TTC31: variants seen among roughly 807,000 people sequenced by gnomAD.
TTC31 encodes the protein tetratricopeptide repeat protein 31.
A neutral mutation model predicts 60.4 loss-of-function variants in TTC31; 59 were observed. The ratio of observed to expected loss-of-function variants is 0.98; its 90% CI spans 0.79 to 1.21. The LOEUF (loss-of-function observed/expected upper bound fraction) is 1.21. TTC31 is among the 50% of genes most tolerant of loss of function. The pLI is 0.00. For missense variants in TTC31, 672 were observed against 646.9 expected (o/e 1.04, Z -0.42); for synonymous variants, 225 against 249.6 (o/e 0.90, Z 0.93).
In TTC31 at chr2:74,492,756, G is replaced by C. The variant is rs770147788; in HGVS notation, c.1263+9G>C. On this transcript the variant is annotated intron_variant, in intron 12 of 12. Coordinates refer to ENST00000233623, the MANE Select transcript of TTC31 (RefSeq NM_022492.6). ...TTCTCCACCTCACACTGGTAAGGGG[G>C]CCAGGCACACTGTCATGCTGAGGCG... The C allele has an allele frequency of 6.2e-7, 1 of 1,613,708 alleles. No individual in the cohort carries two copies. Among genetic ancestry groups the C allele is most frequent in the Admixed American group, 1.7e-5 (1 of 59,992 alleles).
chr2:74,492,721 C>T lies in TTC31; in HGVS notation c.1237C>T (p.Arg413Cys), dbSNP rs373885235. Residue 413 changes from arginine (R) to cysteine (C), a missense_variant, in exon 12 of 13, where the codon CGC becomes TGC. Physicochemically the swap from Arg to Cys is radical, Grantham distance 180 (BLOSUM62 -3). Coordinates refer to ENST00000233623, the MANE Select transcript of TTC31 (RefSeq NM_022492.6). ...CCAGCCTGACGCAGCCCGAGAGCTC[C>T]GCTCTTGCCTTCTCCACCTCACACT... is the stretch of plus-strand genomic sequence containing the variant. ...GSQPDAAREL[R>C]SCLLHLTLQG... 343 of 1,614,052 alleles carry T rather than the reference C, an allele frequency of 2.1e-4. 1 individual carries two copies. The highest frequency in any genetic ancestry group is 1.2e-3 in the Middle Eastern group (7 of 6,070).
rs377473026 is a variant in TTC31 at position 74,492,090 on chromosome 2, C to T, written c.928+35C>T. ...TTTCTCTCTCCGTCCTCACCCCACCCTCCCTGGGGTAGCCCCATCTGAACC... is the reference window on the plus strand; with the variant it reads ...TTTCTCTCTCCGTCCTCACCCCACCTTCCCTGGGGTAGCCCCATCTGAACC... On this transcript the variant is annotated intron_variant, in intron 9 of 12. Coordinates refer to ENST00000233623, the MANE Select transcript of TTC31 (RefSeq NM_022492.6). 10 of 1,612,966 alleles carry T rather than the reference C, an allele frequency of 6.2e-6. No individual in the cohort carries two copies. In the African/African-American group the frequency reaches 6.7e-5, roughly 11 times the overall value.
At chr2:74,483,725 T>G in intron 2 of TTC31, 1 of 742,010 alleles carries the variant, frequency 1.3e-6, no homozygotes, top group South Asian at 2.1e-5. Context: ...GCCTGTAATC[T>G]CAACACTTTG....
chr2:74,484,215 C>CA (rs1672816513), intron 2 of TTC31, among the ~76,000 whole-genome samples: 1 of 150,382 alleles, frequency 6.6e-6, no homozygotes, highest in African/African-American at 2.5e-5. Flanking sequence ...CCAGCCTGGG[C>CA]AACAGAGGGA....
At chr2:74,489,240 G>C (rs1396221567) in intron 2 of TTC31, among the ~76,000 whole-genome samples, 3 of 152,216 alleles carry the variant, frequency 2.0e-5, no homozygotes, top group Non-Finnish European at 4.4e-5. Flanking sequence ...AGATGAAAGG[G>C]TCTGGGAAGG....
intron 5 of TTC31, 121 bp from the exon 6 acceptor site, chr2:74,491,007 A>G: frequency 2.2e-6 from 3 of 1,383,688 alleles, no homozygotes; most frequent in Non-Finnish European, 3.0e-6. Flanking sequence ...TTCACCTGCA[A>G]AATGAGGATA....
rs1674161162 is a variant in TTC31 at position 74,493,312 on chromosome 2, A to G, written c.*94A>G. 7.8e-7 allele frequency: 1 copy of G among 1,287,900 alleles called. No homozygotes were observed. The highest frequency in any genetic ancestry group is 1.1e-6 in the Non-Finnish European group (1 of 932,674). 79.8% of individuals were successfully genotyped at this position (1,287,900 alleles called of 1,614,324 possible). On this transcript the variant is annotated 3_prime_UTR_variant, in exon 13 of 13. Coordinates refer to ENST00000233623, the MANE Select transcript of TTC31 (RefSeq NM_022492.6). Reference sequence around the variant, plus strand: ...AGTTCACTGCATATTTTGAGACCTTATTCTCTAGATCCATAGTTAATGATG... The same window carrying G: ...AGTTCACTGCATATTTTGAGACCTTGTTCTCTAGATCCATAGTTAATGATG...
At chr2:74,491,811 G>A in intron 8 of TTC31, 139 bp downstream of exon 8, 1 of 1,372,284 alleles carries the variant, frequency 7.3e-7, no homozygotes, top group Non-Finnish European at 1.0e-6. Context: ...CTACAGTCAG[G>A]CCCCATCACT....
At position 74,492,370 on chromosome 2, in the gene TTC31, C is replaced by G; in HGVS notation, c.1086C>G (p.Ala362=). 6.5e-7 allele frequency: 1 copy of G among 1,547,034 alleles called. No homozygotes were observed. The highest frequency in any genetic ancestry group is 8.7e-7 in the Non-Finnish European group (1 of 1,145,936). Residue 362 remains alanine (A), a synonymous_variant, in exon 11 of 13, where the codon GCC becomes GCG. Transcript: ENST00000233623. ...LGQPAWALAD[A]QVALTLRPGW... ...AGCCAGCGTGGGCCCTGGCTGATGCCCAGGTGGCCCTTACCCTACGGCCTG... is the reference window on the plus strand; with the variant it reads ...AGCCAGCGTGGGCCCTGGCTGATGCGCAGGTGGCCCTTACCCTACGGCCTG...
chr2:74,483,561 T>C (rs1672702723), intron 2 of TTC31, 151 bp downstream of exon 2: 2 of 1,509,442 alleles, frequency 1.3e-6, no homozygotes, highest in Middle Eastern at 1.7e-4. Context: ...TTGAGGATCT[T>C]AGGCAAGTGA....
chr2:74,488,563 G>T (rs544705885), intron 2 of TTC31, among the ~76,000 whole-genome samples: 1 of 152,318 alleles, frequency 6.6e-6, no homozygotes, highest in East Asian at 1.9e-4. Flanking sequence ...GCCTTATTTT[G>T]TGAATGAGGG....
At position 74,493,073 on chromosome 2, in the gene TTC31, A is replaced by G. The variant is rs1375721883; in HGVS notation, c.1415A>G (p.His472Arg). The stretch of plus-strand genomic sequence containing the variant: ...TCCCCTGGCCTGTCTCCACTCTTGC[A>G]TTATCCTTCATGTCACCGAAGCCAC... ...LRSPGLSPLL[H>R]YPSCHRSHPN... Residue 472 changes from histidine (H) to arginine (R), a missense_variant, in exon 13 of 13, where the codon CAT becomes CGT. By Grantham distance (29) the His-to-Arg change is conservative (BLOSUM62 0). Coordinates refer to ENST00000233623, the MANE Select transcript of TTC31 (RefSeq NM_022492.6). 3 of 1,614,014 alleles carry G rather than the reference A, an allele frequency of 1.9e-6. No homozygotes were observed. Among genetic ancestry groups the G allele is most frequent in the East Asian group, 4.5e-5 (2 of 44,882 alleles).
At chr2:74,490,174 G>A (rs1229477400) in intron 3 of TTC31, 47 bp downstream of exon 3, 1 of 1,611,108 alleles carries the variant, frequency 6.2e-7, no homozygotes, top group Non-Finnish European at 8.5e-7. Context: ...TGGTACCCTG[G>A]GAGGGCTGAC....
At position 74,492,034 on chromosome 2, in the gene TTC31, C is replaced by G; in HGVS notation, c.907C>G (p.Gln303Glu). The change falls in exon 9 of 13, where the codon CAA (glutamine) becomes GAA (glutamate). Residue 303 changes from glutamine to glutamate, a missense_variant. Transcript: ENST00000233623. ...TCCGGGACTGCTGGCAGCTGCCTTA[C>G]AACAGAGCCAGGAACTGGCAAGTGA... ...ASPGLLAAAL[Q>E]QSQELAKLGT... The G allele has an allele frequency of 6.2e-7, 1 of 1,614,244 alleles. No individual in the cohort carries two copies. Among genetic ancestry groups the G allele is most frequent in the South Asian group, 1.1e-5 (1 of 91,086 alleles).
At chr2:74,489,842 A>G (rs1673603716) in intron 2 of TTC31, among the ~76,000 whole-genome samples, 183 bp from the exon 3 acceptor site, 1 of 152,168 alleles carries the variant, frequency 6.6e-6, no homozygotes, top group African/African-American at 2.4e-5. Flanking sequence ...GTGATTCACT[A>G]CAATAGCTGG....
chr2:74,483,441 T>A (rs565132032), intron 2 of TTC31, 31 bp downstream of exon 2: 1 of 1,614,090 alleles, frequency 6.2e-7, no homozygotes, highest in South Asian at 1.1e-5. Flanking sequence ...CCCCCAGTCC[T>A]GCTCATTTTG....
At chr2:74,490,765 C>T in intron 5 of TTC31, 26 bp downstream of exon 5, 2 of 1,599,580 alleles carry the variant, frequency 1.3e-6, no homozygotes, top group Admixed American at 1.7e-5. Context: ...CTGGAGGGTG[C>T]AGGGGAGCCA....
At chr2:74,487,840 C>T (rs1395416100) in intron 2 of TTC31, among the ~76,000 whole-genome samples, 3 of 151,862 alleles carry the variant, frequency 2.0e-5, no homozygotes, top group Non-Finnish European at 4.4e-5. Flanking sequence ...CCACCATGCC[C>T]AGCTAATTTT....
At chr2:74,486,881 G>A (rs1451237547) in intron 2 of TTC31, among the ~76,000 whole-genome samples, 5 of 146,384 alleles carry the variant, frequency 3.4e-5, no homozygotes, top group African/African-American at 1.0e-4. Context: ...CAACAAGGGC[G>A]AAACTCCACC....
Sources: gnomAD v4.1 joint callset for allele counts (sites outside exome capture counted in the v4.1 genomes callset) on GRCh38, gnomAD v4.1.1 for gene constraint, MANE v1.5 for transcripts, NCBI Gene and HGNC (gene_info 2026-07-23, HGNC 2026-07-21) for gene names.